The following NRXN1 variants were observed in gnomAD, a reference collection of about 807,000 sequenced individuals.
The protein encoded by NRXN1 is neurexin-1.
A neutral mutation model predicts 150.9 loss-of-function variants in NRXN1; 39 were observed. That is an observed-to-expected ratio of 0.26 (90% CI 0.20 to 0.34). The LOEUF is 0.34. Ranked by LOEUF, NRXN1 falls within the 10% of genes least tolerant of loss-of-function variation. The pLI is 1.00. For synonymous variants in NRXN1, 924 were observed against 757.0 expected, an observed-to-expected ratio of 1.22 and a Z score of -3.62; for missense variants, 1,815 against 1,949.9, an observed-to-expected ratio of 0.93 and a Z score of 1.30.
intron 13 of NRXN1, among the ~76,000 whole-genome samples, chr2:50,501,315 G>C (rs2104950262): frequency 6.6e-6 from 1 of 151,912 alleles, no homozygotes; most frequent in South Asian, 2.1e-4. Context: ...CCAGGGTCCA[G>C]ATTTCTCATA....
At chr2:50,166,325 TTG>T (rs1290023211) in intron 18 of NRXN1, among the ~76,000 whole-genome samples, 2 of 73,312 alleles carry the variant, frequency 2.7e-5, no homozygotes, top group Non-Finnish European at 5.7e-5. Flanking sequence ...GTGTGTGTGT[TTG>T]TGTGTGTGTG....
chr2:50,478,944 TCTTGTACACAC>T (rs749976531), intron 15 of NRXN1, among the ~76,000 whole-genome samples: 11 of 152,330 alleles, frequency 7.2e-5, no homozygotes, highest in Non-Finnish European at 1.5e-4. Flanking sequence ...CTATTTTTCT[TCTTGTACACAC>T]CTTTTAAGTA....
chr2:50,271,118 G>A (rs1324483685), intron 17 of NRXN1, among the ~76,000 whole-genome samples: 1 of 152,110 alleles, frequency 6.6e-6, no homozygotes, highest in East Asian at 1.9e-4. Context: ...ATATAGTAAA[G>A]TAGTGTGAAC....
intron 18 of NRXN1, among the ~76,000 whole-genome samples, chr2:50,191,205 G>A (rs3845241): frequency 4.6e-5 from 6 of 131,596 alleles, no homozygotes; most frequent in African/African-American, 1.5e-4. Context: ...ATTGTTTTTT[G>A]TTTTTTTTTT....
At chr2:50,821,089 T>C (rs1399452493) in intron 5 of NRXN1, among the ~76,000 whole-genome samples, 2 of 152,130 alleles carry the variant, frequency 1.3e-5, no homozygotes, top group East Asian at 1.9e-4. Flanking sequence ...AATCCACTCA[T>C]TTAACTAATG....
chr2:50,661,611 T>C (rs1009383293), intron 5 of NRXN1, among the ~76,000 whole-genome samples: 4 of 152,032 alleles, frequency 2.6e-5, no homozygotes, highest in East Asian at 1.9e-4. Context: ...ATTTGCTACA[T>C]TAGGAAAATT....
intron 5 of NRXN1, among the ~76,000 whole-genome samples, chr2:50,829,274 G>A (rs942771289): frequency 4.0e-5 from 6 of 151,248 alleles, no homozygotes; most frequent in African/African-American, 1.2e-4. Context: ...AGAGGGAGAG[G>A]GAGAGGGAGA....
At chr2:50,572,335 G>A (rs560774754) in intron 8 of NRXN1, among the ~76,000 whole-genome samples, 3 of 152,214 alleles carry the variant, frequency 2.0e-5, no homozygotes, top group South Asian at 4.2e-4. Context: ...TCTCCAATGC[G>A]CTCTGGATAA....
chr2:50,946,569 A>G (rs4971568), intron 2 of NRXN1, among the ~76,000 whole-genome samples: 36,967 of 152,022 alleles, frequency 0.24, 5,911 homozygotes, highest in East Asian at 0.51. Context: ...ATTTTTAACC[A>G]CATAAGAGCA....
At chr2:50,418,243 A>C (rs1051288816) in intron 17 of NRXN1, among the ~76,000 whole-genome samples, 5 of 152,032 alleles carry the variant, frequency 3.3e-5, no homozygotes, top group Admixed American at 3.3e-4. Flanking sequence ...GCAAGCAGGA[A>C]TCTCCACTGA....
At chr2:50,576,659 A>G (rs1455415776) in intron 8 of NRXN1, among the ~76,000 whole-genome samples, 2 of 152,110 alleles carry the variant, frequency 1.3e-5, no homozygotes, top group African/African-American at 4.8e-5. Context: ...GTTCTCTTTT[A>G]TACATTCTAT....
intron 2 of NRXN1, 96 bp from the exon 3 acceptor site, chr2:50,926,051 G>A (rs1434569720): frequency 2.2e-6 from 2 of 913,216 alleles, no homozygotes; most frequent in East Asian, 2.6e-5. Context: ...CTCATGCAAG[G>A]CACCAAACAC....
chr2:50,512,886 C>T (rs2092503635), intron 12 of NRXN1, among the ~76,000 whole-genome samples: 1 of 152,060 alleles, frequency 6.6e-6, no homozygotes, highest in South Asian at 2.1e-4. Flanking sequence ...AGTGATGAAA[C>T]GGGTGTGTTT....
intron 21 of NRXN1, among the ~76,000 whole-genome samples, chr2:49,961,541 A>G (rs1008831144): frequency 2.0e-5 from 3 of 152,154 alleles, no homozygotes; most frequent in African/African-American, 7.2e-5. Flanking sequence ...CCCAGAAAAC[A>G]CAACAATCAG....
intron 17 of NRXN1, among the ~76,000 whole-genome samples, chr2:50,441,040 T>C (rs1463971655): frequency 2.0e-5 from 3 of 152,192 alleles, no homozygotes; most frequent in Non-Finnish European, 4.4e-5. Flanking sequence ...GCAATTGAAA[T>C]ACAGAGAAGA....
chr2:50,475,961 G>A (rs2089955790), intron 15 of NRXN1, among the ~76,000 whole-genome samples: 1 of 152,140 alleles, frequency 6.6e-6, no homozygotes, highest in East Asian at 1.9e-4. Context: ...ATGGCTCTGT[G>A]TATGAACAAG....
chr2:50,307,527 T>C (rs993525664), intron 17 of NRXN1, among the ~76,000 whole-genome samples: 3 of 152,152 alleles, frequency 2.0e-5, no homozygotes, highest in African/African-American at 4.8e-5. Flanking sequence ...GCAAATGAAA[T>C]GGTAATGGAT....
chr2:51,013,263 C>G (rs1378663642), intron 2 of NRXN1, among the ~76,000 whole-genome samples: 2 of 152,000 alleles, frequency 1.3e-5, no homozygotes, highest in African/African-American at 2.4e-5. Context: ...GGGCAGCTGG[C>G]TCAGGGCAAA....
chr2:50,988,056 A>C lies in NRXN1; in HGVS notation c.772+39446T>G, dbSNP rs138141556. On this transcript the variant is annotated intron_variant, in intron 2 of 22. Coordinates refer to ENST00000401669, the MANE Select transcript of NRXN1 (RefSeq NM_001330078.2). The stretch of plus-strand genomic sequence containing the variant: ...AAATGTTCATACACTACTCAGGTCT[A>C]TTCAGGGAACTGGGATAGTTCTGAT... 3.4e-4 allele frequency among the ~76,000 whole-genome samples: 52 copies of C among 152,134 alleles called. 1 individual carries two copies. Among genetic ancestry groups the C allele is most frequent in the African/African-American group, 1.2e-3 (50 of 41,560 alleles).
Sources: gnomAD v4.1 joint callset for allele counts (sites outside exome capture counted in the v4.1 genomes callset) on GRCh38, gnomAD v4.1.1 for gene constraint, MANE v1.5 for transcripts, NCBI Gene and HGNC (gene_info 2026-07-23, HGNC 2026-07-21) for gene names.